Variants in GPHN observed in about 807,000 individuals in gnomAD.
GPHN encodes the protein gephyrin.
A neutral mutation model predicts 95.5 loss-of-function variants in GPHN; 17 were observed. The observed-to-expected ratio is 0.18, with a 90% confidence interval of 0.12 to 0.27. The LOEUF (loss-of-function observed/expected upper bound fraction) is 0.27, where lower values mean the gene tolerates loss of function less well. GPHN is among the 10% of genes least tolerant of loss of function. The pLI is 1.00. For synonymous variants in GPHN, 320 were observed against 322.5 expected (o/e 0.99, Z 0.08); for missense variants, 660 against 978.1 (o/e 0.67, Z 4.34).
At chr14:66,697,059 A>G (rs2068150067) in intron 2 of GPHN, among the ~76,000 whole-genome samples, 1 of 152,220 alleles carries the variant, frequency 6.6e-6, no homozygotes, top group Non-Finnish European at 1.5e-5. Context: ...CTACACACTA[A>G]TATTTTACAT....
At position 66,805,970 on chromosome 14, in the gene GPHN, C is replaced by G. The variant is rs527612666; in HGVS notation, c.202-18504C>G. 2.6e-5 allele frequency among the ~76,000 whole-genome samples: 4 copies of G among 152,348 alleles called. No homozygotes were observed. In the South Asian group the frequency reaches 8.3e-4, roughly 32 times the overall value. On this transcript the variant is annotated intron_variant, in intron 3 of 22. Coordinates refer to ENST00000478722, the MANE Select transcript of GPHN (RefSeq NM_020806.5). Reference sequence around the variant, plus strand: ...GGACCCTGTGGAGGCTCCAACCCCACATTTCTCTTCTGCACTGCCCTAGCA... The same window carrying G: ...GGACCCTGTGGAGGCTCCAACCCCAGATTTCTCTTCTGCACTGCCCTAGCA...
the GPHN span, chr14:67,660,198 T>C: frequency 3.2e-4 from 84 of 264,916 alleles, no homozygotes; most frequent in Middle Eastern, 2.2e-3. Context: ...CACTTTTATA[T>C]ACATTCTCCA....
the GPHN span, chr14:67,724,670 T>A: frequency 9.0e-7 from 1 of 1,110,932 alleles, no homozygotes; most frequent in East Asian, 2.4e-5. Context: ...CATATTGCTT[T>A]GTGTTTCCTC....
At chr14:67,431,191 G>GT in the GPHN span, among the ~76,000 whole-genome samples, 7 of 152,010 alleles carry the variant, frequency 4.6e-5, no homozygotes, top group East Asian at 1.4e-3. Flanking sequence ...TCAGGAGTTC[G>GT]AGACCAGCCT....
the GPHN span, among the ~76,000 whole-genome samples, chr14:67,295,865 G>A: frequency 6.6e-6 from 1 of 152,152 alleles, no homozygotes; most frequent in Non-Finnish European, 1.5e-5. Flanking sequence ...TAGGTATATA[G>A]CCAAGAGAAA....
chr14:66,891,430 A>T (rs1056491174), intron 5 of GPHN, among the ~76,000 whole-genome samples: 1 of 152,162 alleles, frequency 6.6e-6, no homozygotes, highest in East Asian at 1.9e-4. Flanking sequence ...TGTTGGGAAA[A>T]TTGGATATCC....
the GPHN span, among the ~76,000 whole-genome samples, chr14:67,283,275 G>C: frequency 6.6e-6 from 1 of 152,126 alleles, no homozygotes; most frequent in Admixed American, 6.6e-5. Flanking sequence ...TTTTTTGTCA[G>C]ATGTCTCTGG....
At chr14:67,686,962 T>A in the GPHN span, among the ~76,000 whole-genome samples, 1 of 152,202 alleles carries the variant, frequency 6.6e-6, no homozygotes, top group Non-Finnish European at 1.5e-5. Context: ...TCTCCCTAGA[T>A]GACCCATAGT....
intron 19 of GPHN, among the ~76,000 whole-genome samples, chr14:67,161,019 G>A (rs1316028210): frequency 6.6e-6 from 1 of 152,224 alleles, no homozygotes; most frequent in African/African-American, 2.4e-5. Flanking sequence ...GGCTGGGCAT[G>A]GTGGCTCACG....
At chr14:67,626,771 T>C in the GPHN span, among the ~76,000 whole-genome samples, 43 of 152,330 alleles carry the variant, frequency 2.8e-4, no homozygotes, top group Admixed American at 5.2e-4. Context: ...CACACAAACT[T>C]ATATACAAAT....
the GPHN span, chr14:67,620,820 G>T: frequency 6.7e-7 from 1 of 1,483,896 alleles, no homozygotes; most frequent in South Asian, 1.1e-5. Context: ...AACCTGCTGG[G>T]AACTAAATGT....
intron 1 of GPHN, among the ~76,000 whole-genome samples, chr14:66,657,893 A>G (rs2065400480): frequency 6.6e-6 from 1 of 152,150 alleles, no homozygotes; most frequent in Non-Finnish European, 1.5e-5. Flanking sequence ...ATTAGGGAGT[A>G]ATTTTGAGTT....
intron 1 of GPHN, among the ~76,000 whole-genome samples, chr14:66,576,630 A>G (rs1218807959): frequency 6.6e-6 from 1 of 152,198 alleles, no homozygotes; most frequent in Non-Finnish European, 1.5e-5. Context: ...TCTATGCACA[A>G]TCTAAGTTTA....
chr14:66,544,632 A>G (rs2059467975), intron 1 of GPHN, among the ~76,000 whole-genome samples: 1 of 147,954 alleles, frequency 6.8e-6, no homozygotes, highest in African/African-American at 2.5e-5. Flanking sequence ...GGTGTTTCTC[A>G]CAGAGGGGGA....
At chr14:67,489,976 C>T in the GPHN span, among the ~76,000 whole-genome samples, 7 of 143,898 alleles carry the variant, frequency 4.9e-5, no homozygotes, top group African/African-American at 1.3e-4. Flanking sequence ...GGCGACAGAG[C>T]GAGACTCCGT....
At chr14:67,033,154 G>A (rs1256375531) in intron 10 of GPHN, among the ~76,000 whole-genome samples, 2 of 152,110 alleles carry the variant, frequency 1.3e-5, no homozygotes, top group Admixed American at 6.5e-5. Context: ...CACTAGAGGG[G>A]TTCAACAATT....
chr14:66,679,476 A>G (rs868682981), intron 1 of GPHN, among the ~76,000 whole-genome samples: 11 of 152,138 alleles, frequency 7.2e-5, no homozygotes, highest in Middle Eastern at 3.4e-3. Flanking sequence ...GAACATTAAT[A>G]TATTGTATCA....
At chr14:66,966,463 T>A (rs894779276) in intron 9 of GPHN, among the ~76,000 whole-genome samples, 2 of 152,078 alleles carry the variant, frequency 1.3e-5, no homozygotes, top group African/African-American at 4.8e-5. Flanking sequence ...AGATAAACTA[T>A]AAGAACATTG....
intron 2 of GPHN, among the ~76,000 whole-genome samples, chr14:66,748,676 G>A (rs1437301743): frequency 2.0e-5 from 3 of 151,854 alleles, no homozygotes; most frequent in Non-Finnish European, 4.4e-5. Context: ...TTTGGATTTT[G>A]GAATATGTGT....
Sources: gnomAD v4.1 joint callset for allele counts (sites outside exome capture counted in the v4.1 genomes callset) on GRCh38, gnomAD v4.1.1 for gene constraint, MANE v1.5 for transcripts, NCBI Gene and HGNC (gene_info 2026-07-23, HGNC 2026-07-21) for gene names.